The following PLPPR4 variants were observed in gnomAD, a reference collection of about 807,000 sequenced individuals.
PLPPR4 encodes the protein phospholipid phosphatase related 4, also known as phospholipid phosphatase-related protein type 4.
In PLPPR4, 24 loss-of-function variants were observed where a neutral mutation model predicts 56.6. That is an observed-to-expected ratio of 0.42 (90% CI 0.31 to 0.60). The LOEUF (loss-of-function observed/expected upper bound fraction) is 0.60. Ranked by LOEUF, PLPPR4 falls within the 20% of genes least tolerant of loss-of-function variation. The probability of loss-of-function intolerance (pLI) is 0.13; values close to 1 mark genes in which losing one functional copy is unlikely to be tolerated. For missense variants in PLPPR4, 654 were observed against 885.8 expected (o/e 0.74, Z 3.32); for synonymous variants, 326 against 328.1 (o/e 0.99, Z 0.07).
At position 99,306,578 on chromosome 1, in the gene PLPPR4, A is replaced by T; in HGVS notation, c.1716A>T (p.Ile572=). ...TGACAGACCATGAGCCCAGTGGGAT[A>T]GTGAGGGTTGAGGCTCACCCAGAGA... ...KTLTDHEPSG[I]VRVEAHPENN... is the part of the protein sequence containing the mutation. Residue 572 remains isoleucine, a synonymous_variant, in exon 7 of 7, where the codon ATA becomes ATT. Coordinates refer to ENST00000370185, the MANE Select transcript of PLPPR4 (RefSeq NM_014839.5). The surrounding 1 kb of genome is among the most constrained non-coding windows in gnomAD (Gnocchi z 4.0). The T allele has an allele frequency of 1.9e-6, 3 of 1,614,092 alleles. No homozygotes were observed. Among genetic ancestry groups the T allele is most frequent in the Non-Finnish European group, 2.5e-6 (3 of 1,180,006 alleles).
At chr1:99,270,770 G>A (rs1338865639) in intron 1 of PLPPR4, among the ~76,000 whole-genome samples, 1 of 152,134 alleles carries the variant, frequency 6.6e-6, no homozygotes, top group Non-Finnish European at 1.5e-5. Flanking sequence ...CAAAATAGTA[G>A]CTGTAGATTT....
chr1:99,298,123 T>C (rs918652138), intron 3 of PLPPR4, among the ~76,000 whole-genome samples: 1 of 152,098 alleles, frequency 6.6e-6, no homozygotes, highest in African/African-American at 2.4e-5. Flanking sequence ...AACAGGGTAA[T>C]GTGCAAGCCA....
chr1:99,266,370 C>T (rs1658896179), intron 1 of PLPPR4, among the ~76,000 whole-genome samples: 2 of 152,212 alleles, frequency 1.3e-5, no homozygotes, highest in Admixed American at 6.5e-5. Flanking sequence ...AAGGAAAATG[C>T]CCTCATGAAA....
intron 2 of PLPPR4, among the ~76,000 whole-genome samples, chr1:99,292,734 CT>C (rs1398880503): frequency 6.6e-6 from 1 of 151,710 alleles, no homozygotes; most frequent in Non-Finnish European, 1.5e-5. Flanking sequence ...TTTGTCACAG[CT>C]TTCTCTCCAA....
chr1:99,278,769 C>T (rs1033394023), intron 1 of PLPPR4, among the ~76,000 whole-genome samples: 1 of 152,154 alleles, frequency 6.6e-6, no homozygotes, highest in South Asian at 2.1e-4. Context: ...ACTGTTACAT[C>T]AGTGTGATTG....
chr1:99,299,006 G>C lies in PLPPR4; in HGVS notation c.395-29G>C, dbSNP rs201635716. The C allele has an allele frequency of 5.6e-4, 848 of 1,521,990 alleles. 3 individuals are homozygous for C. The African/African-American group carries it at 0.011, about 19-fold the overall frequency. 94.3% of individuals were successfully genotyped at this position (1,521,990 alleles called of 1,614,324 possible). On this transcript the variant is annotated intron_variant, in intron 3 of 6. Transcript: ENST00000370185. ...TTGATGCTGACACAACCACCAACTT[G>C]GTAACAATTTCTTTCATTTTGCCTA...
In PLPPR4 at chr1:99,305,672, T is replaced by C. The variant is rs778173939; in HGVS notation, c.823-13T>C. 2 of 1,602,098 alleles carry C rather than the reference T, an allele frequency of 1.2e-6. No individual in the cohort carries two copies. Among genetic ancestry groups the C allele is most frequent in the African/African-American group, 2.7e-5 (2 of 74,570 alleles). On this transcript the variant is annotated splice_polypyrimidine_tract_variant and intron_variant, in intron 6 of 6. Coordinates refer to ENST00000370185, the MANE Select transcript of PLPPR4 (RefSeq NM_014839.5). ...CTAGTGCATGATATTTATTGCTTTC[T>C]CTCAAACACTAGGGCTTGTATGCTG...
intron 5 of PLPPR4, 67 bp downstream of exon 5, chr1:99,301,033 C>A: frequency 7.3e-7 from 1 of 1,377,060 alleles, no homozygotes; most frequent in Non-Finnish European, 1.0e-6. Context: ...ATGTTGTCTC[C>A]AGGTGACTAA....
intron 1 of PLPPR4, among the ~76,000 whole-genome samples, chr1:99,266,595 T>C (rs1275963742): frequency 2.0e-5 from 3 of 152,242 alleles, no homozygotes; most frequent in South Asian, 2.1e-4. Flanking sequence ...ACTTTTACTT[T>C]GGCCTATTCA....
rs980890303 is a variant in PLPPR4, at chr1:99,308,208, T to G, written c.*1198T>G. The stretch of plus-strand genomic sequence containing the variant: ...CCACACTGGTTAAGTTTGACTCGTC[T>G]CTAAAACGTTTTTGTTAATTGGACA... On this transcript the variant is annotated 3_prime_UTR_variant, in exon 7 of 7. Coordinates refer to ENST00000370185, the MANE Select transcript of PLPPR4 (RefSeq NM_014839.5). 3 of 152,142 alleles carry G rather than the reference T, an allele frequency of 2.0e-5. No individual in the cohort carries two copies. The highest frequency in any genetic ancestry group is 6.6e-5 in the Admixed American group (1 of 15,260). 9.4% of individuals were successfully genotyped at this position (152,142 alleles called of 1,614,324 possible).
chr1:99,298,259 C>G (rs1659792934), intron 3 of PLPPR4, among the ~76,000 whole-genome samples: 1 of 152,086 alleles, frequency 6.6e-6, no homozygotes, highest in Admixed American at 6.6e-5. Context: ...ACAAGAAAAC[C>G]TAGAGTGAGA....
chr1:99,301,087 C>A, intron 5 of PLPPR4, 121 bp downstream of exon 5: 1 of 835,134 alleles, frequency 1.2e-6, no homozygotes, highest in Non-Finnish European at 2.0e-6. Flanking sequence ...AAATTTAGCA[C>A]TGCAGCCTTT....
intron 3 of PLPPR4, 43 bp downstream of exon 3, chr1:99,296,910 T>A (rs199683788): frequency 1.7e-4 from 252 of 1,440,424 alleles, no homozygotes; most frequent in African/African-American, 1.5e-3. Flanking sequence ...CTTTTTTTTT[T>A]ATATTGAAAT....
chr1:99,279,461 A>C (rs896947413), intron 1 of PLPPR4, among the ~76,000 whole-genome samples: 1 of 152,206 alleles, frequency 6.6e-6, no homozygotes, highest in Non-Finnish European at 1.5e-5. Context: ...AATAATACAA[A>C]TAACTTCAAA....
At chr1:99,299,662 G>A (rs780315363) in intron 4 of PLPPR4, among the ~76,000 whole-genome samples, 1 of 151,826 alleles carries the variant, frequency 6.6e-6, no homozygotes, top group Non-Finnish European at 1.5e-5. Flanking sequence ...TTTCCTTTTT[G>A]TAAAGTTTGA....
chr1:99,289,002 A>T (rs1342596576), intron 2 of PLPPR4, among the ~76,000 whole-genome samples: 4 of 152,172 alleles, frequency 2.6e-5, no homozygotes, highest in African/African-American at 9.6e-5. Flanking sequence ...GTTGTTTTTA[A>T]TGTGTTAATA....
chr1:99,263,584 G>C (rs925371584), upstream of PLPPR4, among the ~76,000 whole-genome samples: 10 of 152,134 alleles, frequency 6.6e-5, no homozygotes, highest in African/African-American at 2.4e-4. Flanking sequence ...ATCATGTCTC[G>C]TGTTTGCTGG....
chr1:99,279,581 C>A (rs1659273643), intron 1 of PLPPR4, among the ~76,000 whole-genome samples: 1 of 152,136 alleles, frequency 6.6e-6, no homozygotes. Flanking sequence ...AACCCCTTGA[C>A]ACATGGCCAT....
chr1:99,277,616 T>C (rs751738857), intron 1 of PLPPR4, among the ~76,000 whole-genome samples: 2 of 152,162 alleles, frequency 1.3e-5, no homozygotes, highest in Non-Finnish European at 2.9e-5. Flanking sequence ...TTTCTGCAAA[T>C]TATCAATGAT....
Sources: allele counts gnomAD v4.1 joint callset (sites outside exome capture counted in the v4.1 genomes callset), GRCh38; gene constraint gnomAD v4.1.1; non-coding constraint Gnocchi (gnomAD v3.1); transcripts MANE v1.5; gene names NCBI Gene and HGNC (gene_info 2026-07-23, HGNC 2026-07-21).